The following CHST7 variants were observed in gnomAD, a reference collection of about 807,000 sequenced individuals.
CHST7 encodes the protein N-acetylglucosamine 6-O-sulfotransferase 4.
Under a neutral mutation model 9.0 loss-of-function variants are expected in CHST7, and 5 were observed. That is an observed-to-expected ratio of 0.56 (90% confidence interval 0.29 to 1.17). The LOEUF is 1.17. Among genes scored for constraint, CHST7 ranks in the 50% most tolerant of loss-of-function variants. The pLI is 0.08. For synonymous variants in CHST7, 244 were observed against 237.1 expected, an observed-to-expected ratio of 1.03 and a Z score of -0.27; for missense variants, 377 against 485.1, an observed-to-expected ratio of 0.78 and a Z score of 2.09.
In CHST7 at chrX:46,574,310, G is replaced by T. The variant is rs200081268; in HGVS notation, c.379G>T (p.Val127Phe). The change falls in exon 1 of 2, where the codon GTT becomes TTT. Residue 127 changes from valine to phenylalanine, a missense_variant. Transcript: ENST00000276055. Reference protein sequence around the residue: ...LGELFNQHPDVFYLYEPMWHL... With the variant: ...LGELFNQHPDFFYLYEPMWHL... Reference sequence around the variant, plus strand: ...CGAACTCTTTAACCAGCACCCGGACGTTTTCTACTTGTATGAGCCCATGTG... The same window carrying T: ...CGAACTCTTTAACCAGCACCCGGACTTTTTCTACTTGTATGAGCCCATGTG... The T allele has an allele frequency of 1.7e-6, 2 of 1,209,894 alleles. No individual in the cohort carries two copies. The highest frequency in any genetic ancestry group is 2.2e-6 in the Non-Finnish European group (2 of 894,928).
intron 1 of CHST7, among the ~76,000 whole-genome samples, chrX:46,587,107 T>C (rs1030713308): frequency 1.8e-5 from 2 of 111,912 alleles, no homozygotes; most frequent in African/African-American, 6.5e-5. Context: ...GGGAAATTTT[T>C]AGCTGGGGTG....
chrX:46,575,099 C>A lies in CHST7; in HGVS notation c.1168C>A (p.Leu390Met). 1 of 1,118,559 alleles carries A rather than the reference C, an allele frequency of 8.9e-7. No individual in the cohort carries two copies. Among genetic ancestry groups the A allele is most frequent in the Admixed American group, 3.1e-5 (1 of 32,464 alleles). The allele number at this position is 1,118,559 out of a possible 1,213,427, so 92.2% of individuals were successfully genotyped here. Residue 390 changes from leucine to methionine, a missense_variant, in exon 1 of 2, where the codon CTG (leucine) becomes ATG (methionine). Leu to Met is a conservative substitution (Grantham distance 15). Transcript: ENST00000276055. ...RQPRAQLRRL[L>M]RFSGLRALAA... ...GCCACGCGCCCAGCTGCGCCGCCTGCTGCGCTTCTCCGGGCTACGCGCGCT... is the reference window on the plus strand; with the variant it reads ...GCCACGCGCCCAGCTGCGCCGCCTGATGCGCTTCTCCGGGCTACGCGCGCT...
chrX:46,578,415 C>T (rs981403692), intron 1 of CHST7, among the ~76,000 whole-genome samples: 1 of 104,774 alleles, frequency 9.5e-6, no homozygotes, highest in Non-Finnish European at 1.9e-5. Flanking sequence ...CATCTGGGCC[C>T]ACAGGTGCGT....
At chrX:46,589,674 A>C (rs1942565193) in intron 1 of CHST7, among the ~76,000 whole-genome samples, 1 of 111,985 alleles carries the variant, frequency 8.9e-6, no homozygotes, top group African/African-American at 3.3e-5. Context: ...ACAACCAAAA[A>C]TATTGAGAAA....
At chrX:46,584,742 C>T (rs1054384056) in intron 1 of CHST7, among the ~76,000 whole-genome samples, 1 of 110,462 alleles carries the variant, frequency 9.1e-6, no homozygotes, top group African/African-American at 3.3e-5. Context: ...GTAATTCTGC[C>T]CTGAAATAGA....
At chrX:46,580,196 T>G (rs1187774971) in intron 1 of CHST7, among the ~76,000 whole-genome samples, 1 of 109,239 alleles carries the variant, frequency 9.2e-6, no homozygotes, top group Non-Finnish European at 1.9e-5. Context: ...TAGCTGGGAC[T>G]ACAGGTGTGT....
At chrX:46,579,628 C>G (rs1160137101) in intron 1 of CHST7, among the ~76,000 whole-genome samples, 1 of 112,270 alleles carries the variant, frequency 8.9e-6, no homozygotes, top group Non-Finnish European at 1.9e-5. Context: ...ACCACCAAAT[C>G]ATTTTGAAAA....
intron 1 of CHST7, among the ~76,000 whole-genome samples, chrX:46,576,191 C>A (rs1178359078): frequency 9.5e-6 from 1 of 105,133 alleles, no homozygotes; most frequent in South Asian, 4.6e-4. Flanking sequence ...TCTTCCTCCC[C>A]CTTCCCCTCC....
chrX:46,580,309 C>T (rs1942519001), intron 1 of CHST7, among the ~76,000 whole-genome samples: 1 of 111,531 alleles, frequency 9.0e-6, no homozygotes, highest in Admixed American at 9.5e-5. Context: ...CCACCCGCCT[C>T]GGCCTCCCAA....
chrX:46,586,714 A>G (rs1053734914), intron 1 of CHST7, among the ~76,000 whole-genome samples: 1 of 111,719 alleles, frequency 9.0e-6, no homozygotes. Flanking sequence ...CAACTAGGCA[A>G]ACTCAGCTGT....
intron 1 of CHST7, among the ~76,000 whole-genome samples, chrX:46,587,545 T>C (rs1942555196): frequency 8.9e-6 from 1 of 112,348 alleles, no homozygotes; most frequent in Non-Finnish European, 1.9e-5. Flanking sequence ...TAACATTTAA[T>C]GCTGTTTAAA....
At chrX:46,589,479 G>C (rs766384905) in intron 1 of CHST7, among the ~76,000 whole-genome samples, 1 of 109,145 alleles carries the variant, frequency 9.2e-6, no homozygotes, top group Non-Finnish European at 1.9e-5. Context: ...GAACCCAGGA[G>C]GTAGAGGCTG....
In CHST7 at chrX:46,585,295, CTT is replaced by C. The variant is rs367597052; in HGVS notation, c.*31+9885_*31+9886del. Among the ~76,000 whole-genome samples the C allele has an allele frequency of 2.1e-4, 5 of 23,309 alleles. No individual in the cohort carries two copies. In the African/African-American group the frequency reaches 2.4e-3, roughly 11 times the overall value. The allele number at this position is 23,309 out of a possible 115,157, so 20.2% of individuals were successfully genotyped here. A position where few individuals can be genotyped will look rare whatever the true frequency, so the allele number is the denominator to read the frequency against. On this transcript the variant is annotated intron_variant, in intron 1 of 1. Coordinates refer to ENST00000276055, the MANE Select transcript of CHST7 (RefSeq NM_019886.4). Reference sequence around the variant, plus strand: ...TTTCTTTCTTTTTTTCTTTTCTTTTCTTTTTTTTTTTTTTGAGACAGTCTTAT... The same window carrying C: ...TTTCTTTCTTTTTTTCTTTTCTTTTCTTTTTTTTTTTTGAGACAGTCTTAT...
intron 1 of CHST7, among the ~76,000 whole-genome samples, chrX:46,581,282 G>A (rs1191472638): frequency 2.9e-5 from 3 of 104,875 alleles, no homozygotes; most frequent in African/African-American, 1.0e-4. Context: ...TAAGGGCCAG[G>A]TGCAGTGGCT....
chrX:46,585,114 T>G lies in CHST7; in HGVS notation c.*31+9691T>G, dbSNP rs145937139. On this transcript the variant is annotated intron_variant, in intron 1 of 1. Transcript: ENST00000276055. ...ATGTTAAATACACAGATTTTAGAAG[T>G]AAGAGAAGTAGATCTGTCTCTTGCT... Among the ~76,000 whole-genome samples, 83 of 110,616 alleles carry G rather than the reference T, an allele frequency of 7.5e-4. No homozygotes were observed. In the East Asian group the frequency reaches 0.021, roughly 28 times the overall value.
Position 46,573,810 on chromosome X carries a change from C to T in CHST7, c.-122C>T. ...AGTTTCCCCTTGTGGATGCGCGGCC[C>T]CGCGGCTCTGCTCCTCCCGGCGCAG... On this transcript the variant is annotated 5_prime_UTR_variant, in exon 1 of 2. Transcript: ENST00000276055. The T allele has an allele frequency of 2.9e-6, 3 of 1,032,368 alleles. No homozygotes were observed. The highest frequency in any genetic ancestry group is 3.8e-6 in the Non-Finnish European group (3 of 793,533). 85.1% of individuals were successfully genotyped at this position (1,032,368 alleles called of 1,213,427 possible). A position where few individuals can be genotyped will look rare whatever the true frequency, so the allele number is the denominator to read the frequency against.
chrX:46,575,094 G>T lies in CHST7; in HGVS notation c.1163G>T (p.Arg388Leu). Residue 388 changes from arginine (R) to leucine (L), a missense_variant, in exon 1 of 2, where the codon CGC becomes CTC. Arg to Leu is a moderately radical substitution (Grantham distance 102, BLOSUM62 -2). Transcript: ENST00000276055. ...LVRQPRAQLR[R>L]LLRFSGLRAL... ...CGGCAGCCACGCGCCCAGCTGCGCC[G>T]CCTGCTGCGCTTCTCCGGGCTACGC... The T allele has an allele frequency of 8.9e-7, 1 of 1,118,380 alleles. No individual in the cohort carries two copies. The highest frequency in any genetic ancestry group is 1.2e-6 in the Non-Finnish European group (1 of 857,680). 92.2% of individuals were successfully genotyped at this position (1,118,380 alleles called of 1,213,427 possible). A position where few individuals can be genotyped will look rare whatever the true frequency, so the allele number is the denominator to read the frequency against.
chrX:46,575,467 G>A (rs1942494923), intron 1 of CHST7, 44 bp downstream of exon 1: 46 of 978,597 alleles, frequency 4.7e-5, no homozygotes, highest in Non-Finnish European at 5.8e-5. Context: ...CTGGTCTTCC[G>A]GGAGCCTGGA....
intron 1 of CHST7, among the ~76,000 whole-genome samples, chrX:46,596,004 G>A (rs780410151): frequency 2.0e-4 from 22 of 109,732 alleles, no homozygotes; most frequent in African/African-American, 7.0e-4. Flanking sequence ...TGGGCGTGGT[G>A]GTGCACGCCT....
Sources: gnomAD v4.1 joint callset for allele counts (sites outside exome capture counted in the v4.1 genomes callset) on GRCh38, gnomAD v4.1.1 for gene constraint, MANE v1.5 for transcripts, NCBI Gene and HGNC (gene_info 2026-07-23, HGNC 2026-07-21) for gene names.